CSMD1: variants seen among roughly 807,000 people sequenced by gnomAD.
The protein encoded by CSMD1 is CUB and sushi domain-containing protein 1.
A neutral mutation model predicts 417.5 loss-of-function variants in CSMD1; 213 were observed. The ratio of observed to expected loss-of-function variants is 0.51; its 90% CI spans 0.46 to 0.57. CSMD1 has a LOEUF of 0.57. Ranked by LOEUF, CSMD1 falls within the 20% of genes least tolerant of loss-of-function variation. The probability of loss-of-function intolerance (pLI) is 0.00; values close to 1 mark genes in which losing one functional copy is unlikely to be tolerated. For synonymous variants in CSMD1, 2,862 were observed against 1,736.8 expected, an observed-to-expected ratio of 1.65 and a Z score of -16.11; for missense variants, 6,923 against 4,529.7, an observed-to-expected ratio of 1.53 and a Z score of -15.17.
At chr8:3,692,002 G>A (rs1339094019) in intron 7 of CSMD1, among the ~76,000 whole-genome samples, 1 of 152,140 alleles carries the variant, frequency 6.6e-6, no homozygotes, top group African/African-American at 2.4e-5. Flanking sequence ...GAGACAGGAT[G>A]CTGGGCATCT....
chr8:4,456,399 C>G (rs1406544201), intron 2 of CSMD1, among the ~76,000 whole-genome samples: 1 of 152,090 alleles, frequency 6.6e-6, no homozygotes, highest in South Asian at 2.1e-4. Flanking sequence ...GTATCAAAGA[C>G]AAGATATCGA....
intron 3 of CSMD1, among the ~76,000 whole-genome samples, chr8:4,241,288 C>T (rs1245426014): frequency 6.6e-6 from 1 of 152,220 alleles, no homozygotes. Context: ...ACAATTCATT[C>T]CCTTTACCTG....
intron 3 of CSMD1, among the ~76,000 whole-genome samples, chr8:4,222,461 C>T (rs1303781300): frequency 6.6e-6 from 1 of 151,994 alleles, no homozygotes; most frequent in Non-Finnish European, 1.5e-5. Flanking sequence ...AGTACCTGGT[C>T]CGTCATATGT....
intron 23 of CSMD1, among the ~76,000 whole-genome samples, chr8:3,314,046 C>T (rs1044400165): frequency 2.0e-5 from 3 of 151,834 alleles, no homozygotes; most frequent in Admixed American, 6.6e-5. Context: ...CTCATGTTCT[C>T]ACTCATAGGT....
intron 26 of CSMD1, among the ~76,000 whole-genome samples, chr8:3,254,783 T>C (rs1011100494): frequency 1.3e-5 from 2 of 152,312 alleles, no homozygotes; most frequent in East Asian, 1.9e-4. Flanking sequence ...TAATTTTTTT[T>C]CAAGGTTTTT....
intron 5 of CSMD1, among the ~76,000 whole-genome samples, chr8:3,906,174 A>T (rs1808095462): frequency 6.6e-6 from 1 of 152,128 alleles, no homozygotes; most frequent in African/African-American, 2.4e-5. Context: ...TGCATTTGTG[A>T]TATGGGTTAA....
rs551019535 is a variant in CSMD1 at position 4,913,434 on chromosome 8, A to G, written c.85+80898T>C. Among the ~76,000 whole-genome samples, 67 of 152,254 alleles carry G rather than the reference A, an allele frequency of 4.4e-4. No homozygotes were observed. In the South Asian group the frequency reaches 0.013, roughly 31 times the overall value. ...TAAAGTGCTTGGACACTCAGTGAATATTTCTTCACTGAATGCTATTAATGG... is the reference window on the plus strand; with the variant it reads ...TAAAGTGCTTGGACACTCAGTGAATGTTTCTTCACTGAATGCTATTAATGG... On this transcript the variant is annotated intron_variant, in intron 1 of 69. Transcript: ENST00000635120.
At chr8:4,271,935 T>C (rs1246237745) in intron 3 of CSMD1, among the ~76,000 whole-genome samples, 2 of 152,174 alleles carry the variant, frequency 1.3e-5, no homozygotes, top group African/African-American at 2.4e-5. Flanking sequence ...GCAAAATACC[T>C]GCCCTACAGA....
chr8:4,010,354 CAAG>C (rs1251745200), intron 4 of CSMD1, among the ~76,000 whole-genome samples: 1 of 152,132 alleles, frequency 6.6e-6, no homozygotes, highest in African/African-American at 2.4e-5. Flanking sequence ...TCCACTATTC[CAAG>C]AAGATTTAAA....
chr8:4,347,982 A>G (rs1800871256), intron 3 of CSMD1, among the ~76,000 whole-genome samples: 1 of 152,190 alleles, frequency 6.6e-6, no homozygotes, highest in Admixed American at 6.5e-5. Context: ...GAAGCACTAC[A>G]CTGGCAAACA....
intron 65 of CSMD1, 78 bp from the exon 66 acceptor site, chr8:2,951,353 A>T (rs1394838984): frequency 3.6e-6 from 5 of 1,405,562 alleles, no homozygotes; most frequent in Non-Finnish European, 4.8e-6. Flanking sequence ...CACAGAAGGC[A>T]TCATACTGCT....
intron 3 of CSMD1, among the ~76,000 whole-genome samples, chr8:4,324,715 G>A (rs1037107345): frequency 6.6e-6 from 1 of 152,186 alleles, no homozygotes; most frequent in African/African-American, 2.4e-5. Flanking sequence ...TTTCCATAAG[G>A]TGTTGTTATA....
chr8:3,880,885 C>T (rs1005982926), intron 5 of CSMD1, among the ~76,000 whole-genome samples: 3 of 152,080 alleles, frequency 2.0e-5, no homozygotes, highest in Non-Finnish European at 4.4e-5. Context: ...AGTCCTCCTT[C>T]GTGTACCATT....
At chr8:2,947,643 C>T (rs1394743761) in intron 68 of CSMD1, among the ~76,000 whole-genome samples, 2 of 152,182 alleles carry the variant, frequency 1.3e-5, no homozygotes, top group Non-Finnish European at 2.9e-5. Context: ...TAGACATCTA[C>T]ACAGCATCCT....
intron 6 of CSMD1, among the ~76,000 whole-genome samples, chr8:3,714,524 G>C (rs1013968449): frequency 1.1e-4 from 14 of 122,092 alleles, no homozygotes; most frequent in Non-Finnish European, 1.8e-4. Flanking sequence ...GAGTTCAACA[G>C]CAGCCTGGCC....
chr8:4,052,436 T>C (rs1009412328), intron 3 of CSMD1, among the ~76,000 whole-genome samples: 3 of 152,288 alleles, frequency 2.0e-5, no homozygotes, highest in East Asian at 3.9e-4. Flanking sequence ...AAATATCTTG[T>C]AGTGAGGGGT....
intron 3 of CSMD1, among the ~76,000 whole-genome samples, chr8:4,125,352 C>T (rs962274771): frequency 5.9e-5 from 9 of 152,206 alleles, no homozygotes; most frequent in African/African-American, 2.2e-4. Context: ...GTTTGTCTCT[C>T]ACCTACTTGT....
rs746387495 is a variant in CSMD1, at chr8:3,091,580, C to A, written c.7221G>T (p.Gln2407His). The change falls in exon 48 of 70, where the codon CAG becomes CAT. Residue 2407 changes from glutamine to histidine, a missense_variant. By Grantham distance (24) the Gln-to-His change is conservative. Transcript: ENST00000635120. ...EQSNFTSRSN[Q>H]LYLRWSTDHA... Reference sequence around the variant, plus strand: ...GGTCAGTGGACCAGCGGAGATATAACTGATTACTCCTGCTTGTAAAATTTG... The same window carrying A: ...GGTCAGTGGACCAGCGGAGATATAAATGATTACTCCTGCTTGTAAAATTTG... 2.5e-6 allele frequency: 4 copies of A among 1,610,936 alleles called. No individual in the cohort carries two copies. The highest frequency in any genetic ancestry group is 4.5e-5 in the East Asian group (2 of 44,674).
chr8:3,675,036 G>T (rs573577433), intron 7 of CSMD1, among the ~76,000 whole-genome samples: 67 of 152,284 alleles, frequency 4.4e-4, no homozygotes, highest in African/African-American at 8.4e-4. Context: ...GATTTAGGTG[G>T]ATGTATTAAT....
Sources: gnomAD v4.1 joint callset for allele counts (sites outside exome capture counted in the v4.1 genomes callset) on GRCh38, gnomAD v4.1.1 for gene constraint, MANE v1.5 for transcripts, NCBI Gene and HGNC (gene_info 2026-07-23, HGNC 2026-07-21) for gene names.